RBFOX3: variants seen among roughly 807,000 people sequenced by gnomAD.
RBFOX3 encodes RNA binding protein fox-1 homolog 3.
In RBFOX3, 17 loss-of-function variants were observed where a neutral mutation model predicts 48.7. That is an observed-to-expected ratio of 0.35 (90% CI 0.24 to 0.52). The LOEUF is 0.52. Ranked by LOEUF, RBFOX3 falls within the 20% of genes least tolerant of loss-of-function variation. The pLI is 0.94. For synonymous variants in RBFOX3, 212 were observed against 209.5 expected (o/e 1.01, Z -0.10); for missense variants, 382 against 497.5 (o/e 0.77, Z 2.21).
intron 4 of RBFOX3, among the ~76,000 whole-genome samples, chr17:79,116,485 A>G (rs1336967863): frequency 6.6e-6 from 1 of 152,264 alleles, no homozygotes; most frequent in Non-Finnish European, 1.5e-5. Flanking sequence ...ATTGCGCTCC[A>G]GCCTGGGTGA....
intron 4 of RBFOX3, among the ~76,000 whole-genome samples, chr17:79,174,597 CCACT>C (rs1003520086): frequency 3.9e-5 from 6 of 151,998 alleles, no homozygotes; most frequent in African/African-American, 1.2e-4. Flanking sequence ...CATGCACACA[CCACT>C]CACACTGACA....
intron 2 of RBFOX3, among the ~76,000 whole-genome samples, chr17:79,385,619 C>A (rs1598465316): frequency 6.6e-6 from 1 of 152,194 alleles, no homozygotes; most frequent in African/African-American, 2.4e-5. Flanking sequence ...TGTGCTGCTC[C>A]CTCATTCTGT....
Position 79,482,091 on chromosome 17 carries a change from C to T in RBFOX3, c.-175+363G>A, listed in dbSNP as rs976673138. ...GCAATCTGGGCAGCAGAACACGAACCGTGCAGGGGAGGGTCAGGCCCTGAC... is the reference window on the plus strand; with the variant it reads ...GCAATCTGGGCAGCAGAACACGAACTGTGCAGGGGAGGGTCAGGCCCTGAC... On this transcript the variant is annotated intron_variant, in intron 2 of 14. Coordinates refer to ENST00000693108, the MANE Select transcript of RBFOX3 (RefSeq NM_001350451.2). The surrounding 1 kb of genome is among the most constrained non-coding windows in gnomAD (Gnocchi z 4.1). Among the ~76,000 whole-genome samples the T allele has an allele frequency of 1.3e-5, 2 of 152,154 alleles. No individual in the cohort carries two copies. The highest frequency in any genetic ancestry group is 2.1e-4 in the South Asian group (1 of 4,832).
At chr17:79,541,546 G>A (rs2089691788) in intron 1 of RBFOX3, among the ~76,000 whole-genome samples, 2 of 152,212 alleles carry the variant, frequency 1.3e-5, no homozygotes, top group African/African-American at 4.8e-5. Flanking sequence ...CAGCACTCCA[G>A]GGACCTAAAG....
At chr17:79,161,342 T>C (rs553271368) in intron 4 of RBFOX3, among the ~76,000 whole-genome samples, 1 of 152,292 alleles carries the variant, frequency 6.6e-6, no homozygotes, top group South Asian at 2.1e-4. Context: ...CGTCCTCTGC[T>C]GCCAATGAAC....
intron 4 of RBFOX3, among the ~76,000 whole-genome samples, chr17:79,215,812 G>A (rs558328061): frequency 1.4e-4 from 21 of 152,350 alleles, no homozygotes; most frequent in African/African-American, 4.8e-4. Context: ...CCACTGCCTC[G>A]GTGCCTGCTG....
In RBFOX3 at chr17:79,208,065, G is replaced by A. The variant is rs1003352208; in HGVS notation, c.-34+27701C>T. ...CTCCCTCCCTTTGTTCTCCCCTCAC[G>A]CCCTTCTTCCTGCGTCTGGAGGGAA... On this transcript the variant is annotated intron_variant, in intron 4 of 14. Coordinates refer to ENST00000693108, the MANE Select transcript of RBFOX3 (RefSeq NM_001350451.2). 9.9e-5 allele frequency among the ~76,000 whole-genome samples: 15 copies of A among 152,118 alleles called. No homozygotes were observed. The East Asian group carries it at 2.1e-3, about 22-fold the overall frequency.
chr17:79,191,084 G>A (rs1799683173), intron 4 of RBFOX3, among the ~76,000 whole-genome samples: 1 of 152,218 alleles, frequency 6.6e-6, no homozygotes, highest in Non-Finnish European at 1.5e-5. Context: ...CAGCGGGTGG[G>A]TCTGAGCTGA....
chr17:79,617,236 T>A, the RBFOX3 span, among the ~76,000 whole-genome samples: 27 of 152,304 alleles, frequency 1.8e-4, no homozygotes, highest in Admixed American at 1.5e-3. Flanking sequence ...AGCCCTCTCT[T>A]GCTCTATCCT....
At chr17:79,300,798 G>C (rs1366770840) in intron 3 of RBFOX3, among the ~76,000 whole-genome samples, 1 of 152,214 alleles carries the variant, frequency 6.6e-6, no homozygotes, top group Non-Finnish European at 1.5e-5. Context: ...AGAGACCTTG[G>C]TGAGGCACCT....
chr17:79,152,640 A>T (rs985266651), intron 4 of RBFOX3, among the ~76,000 whole-genome samples: 1 of 152,190 alleles, frequency 6.6e-6, no homozygotes, highest in African/African-American at 2.4e-5. Flanking sequence ...GGGTCCCCAG[A>T]AGGAGACGGA....
intron 4 of RBFOX3, among the ~76,000 whole-genome samples, chr17:79,152,278 C>T (rs923017780): frequency 3.3e-5 from 5 of 152,240 alleles, no homozygotes; most frequent in South Asian, 4.1e-4. Flanking sequence ...GGCGAGACTT[C>T]GGGGCACCTC....
chr17:79,464,062 G>T (rs576344534), intron 2 of RBFOX3, among the ~76,000 whole-genome samples: 2 of 152,182 alleles, frequency 1.3e-5, no homozygotes, highest in Non-Finnish European at 2.9e-5. Context: ...GGGCTTAACC[G>T]TAAGCCCTTG....
intron 1 of RBFOX3, among the ~76,000 whole-genome samples, chr17:79,540,785 C>T (rs573588800): frequency 6.0e-4 from 91 of 152,330 alleles, no homozygotes; most frequent in African/African-American, 2.2e-3. Context: ...ATGAAATATT[C>T]TTGAAGGGGT....
At chr17:79,509,891 T>C (rs2083846595) in intron 1 of RBFOX3, among the ~76,000 whole-genome samples, 1 of 152,050 alleles carries the variant, frequency 6.6e-6, no homozygotes, top group Non-Finnish European at 1.5e-5. Context: ...CACTGCACTA[T>C]GTCATCAGCA....
intron 2 of RBFOX3, among the ~76,000 whole-genome samples, chr17:79,438,534 C>G (rs2070090955): frequency 6.6e-6 from 1 of 152,232 alleles, no homozygotes; most frequent in African/African-American, 2.4e-5. Flanking sequence ...GAACATTCGC[C>G]CTCACGATAG....
intron 2 of RBFOX3, among the ~76,000 whole-genome samples, chr17:79,367,566 G>A (rs11077430): frequency 0.79 from 120,089 of 151,962 alleles, 48,378 homozygotes; most frequent in Non-Finnish European, 0.87. Context: ...AGAAGAGTCC[G>A]CTTTCCCTGG....
rs577128756 is a variant in RBFOX3 at position 79,406,364 on chromosome 17, G to A, written c.-175+76090C>T. On this transcript the variant is annotated intron_variant, in intron 2 of 14. Transcript: ENST00000693108. ...CCGCTGGGGGATCTTGACTCTGCCA[G>A]GTCGCTTCTCAGTCTCCACGTCTCA... Among the ~76,000 whole-genome samples the A allele has an allele frequency of 3.3e-5, 5 of 152,224 alleles. No individual in the cohort carries two copies. The East Asian group carries it at 7.7e-4, about 24-fold the overall frequency.
chr17:79,236,082 C>G (rs989720602), intron 3 of RBFOX3, among the ~76,000 whole-genome samples: 1 of 152,200 alleles, frequency 6.6e-6, no homozygotes. Context: ...ATTTTCTCTG[C>G]GACTCTGGAT....
Sources: allele counts gnomAD v4.1 joint callset (sites outside exome capture counted in the v4.1 genomes callset), GRCh38; gene constraint gnomAD v4.1.1; non-coding constraint Gnocchi (gnomAD v3.1); transcripts MANE v1.5; gene names NCBI Gene and HGNC (gene_info 2026-07-23, HGNC 2026-07-21).